PANK1: variants seen among roughly 807,000 people sequenced by gnomAD.
The protein encoded by PANK1 is pantothenic acid kinase 1.
PANK1 carries 18 observed loss-of-function variants against 40.1 expected under a neutral mutation model. The ratio of observed to expected loss-of-function variants is 0.45; its 90% CI spans 0.31 to 0.67. The LOEUF (loss-of-function observed/expected upper bound fraction) is 0.67, where lower values mean the gene tolerates loss of function less well. Ranked by LOEUF, PANK1 falls within the 30% of genes least tolerant of loss-of-function variation. The probability of loss-of-function intolerance (pLI) is 0.06; values close to 1 mark genes in which losing one functional copy is unlikely to be tolerated. For missense variants in PANK1, 457 were observed against 599.6 expected, an observed-to-expected ratio of 0.76 and a Z score of 2.48; for synonymous variants, 242 against 237.7, an observed-to-expected ratio of 1.02 and a Z score of -0.17.
At chr10:89,592,498 T>C (rs1844426484) in intron 5 of PANK1, among the ~76,000 whole-genome samples, 1 of 152,216 alleles carries the variant, frequency 6.6e-6, no homozygotes, top group Non-Finnish European at 1.5e-5. Flanking sequence ...AAAAACTCCA[T>C]TACAGATCTA....
chr10:89,619,382 G>GA (rs1845414772), intron 1 of PANK1, among the ~76,000 whole-genome samples: 1 of 152,040 alleles, frequency 6.6e-6, no homozygotes. Flanking sequence ...GACATGAGGT[G>GA]AAAAAAACTG....
Position 89,620,867 on chromosome 10 carries a change from C to G in PANK1, c.293-8819G>C, listed in dbSNP as rs148269205. ...TACTCTTTCTCTTTATTTCTCAGAC[C>G]GGCCAACACTTAGGGAAAACAGAAA... On this transcript the variant is annotated intron_variant, in intron 1 of 6. Coordinates refer to ENST00000307534, the MANE Select transcript of PANK1 (RefSeq NM_148977.3). Among the ~76,000 whole-genome samples the G allele has an allele frequency of 5.3e-5, 8 of 152,118 alleles. 1 individual carries two copies. Among genetic ancestry groups the G allele is most frequent in the Non-Finnish European group, 1.2e-4 (8 of 68,034 alleles).
intron 1 of PANK1, among the ~76,000 whole-genome samples, chr10:89,613,713 T>C (rs906358410): frequency 5.3e-5 from 8 of 152,214 alleles, no homozygotes; most frequent in African/African-American, 1.9e-4. Flanking sequence ...GGAAACTCGC[T>C]TGTCCTAGCA....
At chr10:89,599,618 C>A in intron 2 of PANK1, 113 bp from the exon 3 acceptor site, 3 of 1,021,628 alleles carry the variant, frequency 2.9e-6, no homozygotes, top group Non-Finnish European at 4.3e-6. Context: ...CATGGAGACA[C>A]CCTTAAAACA....
rs1589829275 is a variant in PANK1, at chr10:89,645,059, A to T, written c.-168T>A. ...CGGCGCTCCTCCCCTCCTCCTGCCG[A>T]CTCCCCCACCTCCTCTGCGCCCTGC... is the stretch of plus-strand genomic sequence containing the variant. On this transcript the variant is annotated 5_prime_UTR_variant, in exon 1 of 7. Coordinates refer to ENST00000307534, the MANE Select transcript of PANK1 (RefSeq NM_148977.3). 6.4e-7 allele frequency: 1 copy of T among 1,558,110 alleles called. No homozygotes were observed. The highest frequency in any genetic ancestry group is 8.6e-7 in the Non-Finnish European group (1 of 1,157,450).
chr10:89,606,761 C>T (rs1279000066), intron 2 of PANK1, among the ~76,000 whole-genome samples: 2 of 152,112 alleles, frequency 1.3e-5, no homozygotes, highest in Admixed American at 6.6e-5. Flanking sequence ...TGGGTTCAAG[C>T]GATCCACCCA....
intron 1 of PANK1, among the ~76,000 whole-genome samples, chr10:89,612,713 A>C (rs1845199124): frequency 6.6e-6 from 1 of 152,250 alleles, no homozygotes; most frequent in African/African-American, 2.4e-5. Context: ...TATCTAATTT[A>C]TTTCTGCATT....
intron 1 of PANK1, among the ~76,000 whole-genome samples, chr10:89,630,975 T>C (rs1016642490): frequency 6.6e-6 from 1 of 152,194 alleles, no homozygotes; most frequent in African/African-American, 2.4e-5. Context: ...GAGATTAGCC[T>C]GGGGAACACA....
chr10:89,582,466 T>C (rs1224579799), downstream of PANK1: 1 of 152,172 alleles, frequency 6.6e-6, no homozygotes, highest in Non-Finnish European at 1.5e-5. Context: ...AGAGATCAAG[T>C]GATTTCAGAT....
At chr10:89,632,449 C>T (rs936689240) in intron 1 of PANK1, among the ~76,000 whole-genome samples, 1 of 151,848 alleles carries the variant, frequency 6.6e-6, no homozygotes, top group East Asian at 1.9e-4. Flanking sequence ...TATAAATCAC[C>T]CTAGAAAGGT....
chr10:89,590,995 A>C (rs1844366021), intron 5 of PANK1, among the ~76,000 whole-genome samples: 1 of 151,892 alleles, frequency 6.6e-6, no homozygotes, highest in African/African-American at 2.4e-5. Context: ...CTGATGGATT[A>C]ATGGAGGTTC....
At chr10:89,587,163 C>T (rs1049829070) in intron 6 of PANK1, among the ~76,000 whole-genome samples, 7 of 151,994 alleles carry the variant, frequency 4.6e-5, no homozygotes, top group African/African-American at 1.7e-4. Context: ...TCTGAATTTA[C>T]TGACACTCTC....
intron 3 of PANK1, among the ~76,000 whole-genome samples, chr10:89,596,027 A>G (rs1844592316): frequency 6.6e-6 from 1 of 151,530 alleles, no homozygotes; most frequent in Non-Finnish European, 1.5e-5. Context: ...GTCCATGTAC[A>G]TTATTACCTT....
chr10:89,623,105 G>GAC (rs201264285), intron 1 of PANK1, among the ~76,000 whole-genome samples: 1 of 152,040 alleles, frequency 6.6e-6, no homozygotes, highest in Non-Finnish European at 1.5e-5. Context: ...TGGCTATTTG[G>GAC]ACACACACAC....
At chr10:89,635,658 C>T (rs1841782236) in intron 1 of PANK1, among the ~76,000 whole-genome samples, 1 of 152,160 alleles carries the variant, frequency 6.6e-6, no homozygotes, top group Middle Eastern at 3.2e-3. Context: ...CCAGCATCAG[C>T]TCAGAAGTTC....
chr10:89,628,868 T>C (rs766005255), intron 1 of PANK1, among the ~76,000 whole-genome samples: 28 of 152,220 alleles, frequency 1.8e-4, no homozygotes, highest in Non-Finnish European at 3.1e-4. Flanking sequence ...TCACTGTACA[T>C]TGATGTCCTC....
intron 1 of PANK1, among the ~76,000 whole-genome samples, chr10:89,635,954 C>T (rs962486857): frequency 1.3e-5 from 2 of 152,224 alleles, no homozygotes; most frequent in Non-Finnish European, 2.9e-5. Flanking sequence ...CATCTGGGAA[C>T]ACTGGAGCAG....
intron 4 of PANK1, 46 bp downstream of exon 4, chr10:89,593,767 C>T (rs1280062577): frequency 5.6e-6 from 8 of 1,440,396 alleles, no homozygotes; most frequent in African/African-American, 2.8e-5. Context: ...GGTGGAGAGG[C>T]TGCCTTGTGT....
intron 1 of PANK1, chr10:89,643,577 G>T: frequency 1.4e-6 from 1 of 703,966 alleles, no homozygotes; most frequent in Non-Finnish European, 2.5e-6. Flanking sequence ...AAAAGTGAAG[G>T]TGTTATTTGC....
Sources: allele counts gnomAD v4.1 joint callset (sites outside exome capture counted in the v4.1 genomes callset), GRCh38; gene constraint gnomAD v4.1.1; transcripts MANE v1.5; gene names NCBI Gene and HGNC (gene_info 2026-07-23, HGNC 2026-07-21).